HSPG2: variants seen among roughly 807,000 people sequenced by gnomAD.
HSPG2 encodes basement membrane-specific heparan sulfate proteoglycan core protein.
In HSPG2, 278 loss-of-function variants were observed where a neutral mutation model predicts 526.6. The observed-to-expected ratio is 0.53, with a 90% CI of 0.48 to 0.58. The LOEUF (loss-of-function observed/expected upper bound fraction) is 0.58. HSPG2 is among the 20% of genes least tolerant of loss of function. HSPG2 has a pLI of 0.00. For missense variants in HSPG2, 5,354 were observed against 6,099.5 expected (o/e 0.88, Z 4.07); for synonymous variants, 2,465 against 2,555.4 (o/e 0.96, Z 1.07).
chr1:21,874,279 G>T, intron 28 of HSPG2, 127 bp downstream of exon 28: 1 of 1,281,888 alleles, frequency 7.8e-7, no homozygotes, highest in South Asian at 1.3e-5. Context: ...CACACCAAGT[G>T]ACACTGAGCA....
intron 85 of HSPG2, 109 bp downstream of exon 85, chr1:21,830,873 T>TG: frequency 2.8e-6 from 2 of 711,778 alleles, no homozygotes; most frequent in Non-Finnish European, 4.9e-6. Flanking sequence ...CAGGTGAGAG[T>TG]GGGGGGTGTG....
chr1:21,884,742 G>A (rs377613933), intron 12 of HSPG2, 25 bp downstream of exon 12: 16 of 1,612,382 alleles, frequency 9.9e-6, no homozygotes, highest in East Asian at 2.2e-5. Flanking sequence ...CCCCACACCC[G>A]GTGACACCTG....
At chr1:21,899,933 G>A (rs1572406682) in intron 1 of HSPG2, among the ~76,000 whole-genome samples, 3 of 152,342 alleles carry the variant, frequency 2.0e-5, no homozygotes, top group South Asian at 4.1e-4. Context: ...GCCAGTCCCT[G>A]TCCCCAACCT....
At chr1:21,925,107 C>T (rs757481253) in intron 1 of HSPG2, among the ~76,000 whole-genome samples, 10 of 152,220 alleles carry the variant, frequency 6.6e-5, no homozygotes, top group Admixed American at 5.9e-4. Flanking sequence ...CCTTCCTCTG[C>T]GCCTGACTAT....
At chr1:21,908,163 T>TG in intron 1 of HSPG2, 1 of 832,570 alleles carries the variant, frequency 1.2e-6, no homozygotes, top group Non-Finnish European at 2.1e-6. Context: ...TTAGAAAACA[T>TG]GGAGTTGTTC....
At chr1:21,871,879 G>A (rs1042257989) in intron 33 of HSPG2, among the ~76,000 whole-genome samples, 2 of 152,166 alleles carry the variant, frequency 1.3e-5, no homozygotes, top group African/African-American at 4.8e-5. Flanking sequence ...TATATTTCCC[G>A]GCCTCTCCCA....
rs1033968812 is a variant in HSPG2, at chr1:21,890,225, C to A, written c.414-84G>T. The A allele has an allele frequency of 2.6e-6, 4 of 1,540,366 alleles. No homozygotes were observed. The African/African-American group carries it at 5.4e-5, about 21-fold the overall frequency. Reference sequence around the variant, plus strand: ...TCCATGAGGCTCCCGCCCCGACGCTCAGGCCCTGTTCCGGGACAGCCTGTA... The same window carrying A: ...TCCATGAGGCTCCCGCCCCGACGCTAAGGCCCTGTTCCGGGACAGCCTGTA... On this transcript the variant is annotated intron_variant, in intron 5 of 96. Transcript: ENST00000374695. This position sits in a 1 kb window ranked among gnomAD's most constrained non-coding sequence, Gnocchi z 4.1.
chr1:21,881,387 G>A lies in HSPG2; in HGVS notation c.1770C>T (p.Leu590=), dbSNP rs375223498. 18 of 1,614,112 alleles carry A rather than the reference G, an allele frequency of 1.1e-5. No individual in the cohort carries two copies. The highest frequency in any genetic ancestry group is 1.6e-4 in the Middle Eastern group (1 of 6,066). The part of the protein sequence containing the change: ...FQLVDLSRRF[L]VHDSFWALPE... ...GCAGAGCCCAGAAGGAGTCGTGGACGAGGAAGCGGCGGGACAGGTCGACTA... is the reference window on the plus strand; with the variant it reads ...GCAGAGCCCAGAAGGAGTCGTGGACAAGGAAGCGGCGGGACAGGTCGACTA... The change falls in exon 14 of 97, where the codon CTC becomes CTT. Residue 590 remains leucine, a synonymous_variant. Transcript: ENST00000374695.
In HSPG2 at chr1:21,857,401, G is replaced by T; in HGVS notation, c.5294-16C>A. On this transcript the variant is annotated splice_polypyrimidine_tract_variant and intron_variant, in intron 42 of 96. Coordinates refer to ENST00000374695, the MANE Select transcript of HSPG2 (RefSeq NM_005529.7). ...CTTGGAGCCTCTGCAGGGACGGGAA[G>T]CCCCCCTGTGAGCCGGTGCTGGCTA... is the stretch of plus-strand genomic sequence containing the variant. 6.2e-7 allele frequency: 1 copy of T among 1,610,796 alleles called. No homozygotes were observed. Among genetic ancestry groups the T allele is most frequent in the Non-Finnish European group, 8.5e-7 (1 of 1,178,334 alleles).
chr1:21,838,831 C>T lies in HSPG2; in HGVS notation c.10144G>A (p.Val3382Ile), dbSNP rs147177951. ...GSAEAFAQLLVQGPPGSLPAT... is the reference protein window; with the variant it reads ...GSAEAFAQLLIQGPPGSLPAT... ...CAGAGCCGGGGCTGCTTACCTTGGA[C>T]GAGCAGCTGGGCAAAGGCCTCGGCT... is the stretch of plus-strand genomic sequence containing the variant. The change falls in exon 74 of 97, where the codon GTC becomes ATC. Residue 3382 changes from valine to isoleucine, a missense_variant. Coordinates refer to ENST00000374695, the MANE Select transcript of HSPG2 (RefSeq NM_005529.7). 2.6e-5 allele frequency: 42 copies of T among 1,611,964 alleles called. No individual in the cohort carries two copies. Among genetic ancestry groups the T allele is most frequent in the Middle Eastern group, 1.7e-4 (1 of 5,948 alleles).
At chr1:21,869,857 G>A (rs536463108) in intron 33 of HSPG2, among the ~76,000 whole-genome samples, 1 of 152,226 alleles carries the variant, frequency 6.6e-6, no homozygotes, top group Non-Finnish European at 1.5e-5. Flanking sequence ...GGGATATCCC[G>A]GGATGGGTTT....
chr1:21,862,071 G>A lies in HSPG2; in HGVS notation c.4785C>T (p.Ala1595=). Residue 1595 remains alanine (A), a synonymous_variant, in exon 38 of 97, where the codon GCC becomes GCT. Transcript: ENST00000374695. The part of the protein sequence containing the change: ...NAAGEFCELC[A]PGYYGDATAG... ...CTGTGGCATCTCCGTAGTAGCCAGGGGCACAAAGCTCGCAGAACTCCCCTG... is the reference window on the plus strand; with the variant it reads ...CTGTGGCATCTCCGTAGTAGCCAGGAGCACAAAGCTCGCAGAACTCCCCTG... 6.2e-7 allele frequency: 1 copy of A among 1,613,992 alleles called. No homozygotes were observed. The highest frequency in any genetic ancestry group is 8.5e-7 in the Non-Finnish European group (1 of 1,180,020).
At chr1:21,906,212 G>A (rs1643370706) in intron 1 of HSPG2, among the ~76,000 whole-genome samples, 1 of 152,208 alleles carries the variant, frequency 6.6e-6, no homozygotes, top group South Asian at 2.1e-4. Flanking sequence ...GCCCATCTCT[G>A]GGGTGACAAG....
chr1:21,831,860 G>A lies in HSPG2; in HGVS notation c.11208-64C>T, dbSNP rs962828531. The A allele has an allele frequency of 9.9e-6, 15 of 1,518,386 alleles. No homozygotes were observed. The African/African-American group carries it at 1.8e-4, about 18-fold the overall frequency. The allele number at this position is 1,518,386 out of a possible 1,614,324, so 94.1% of individuals were successfully genotyped here. A position where few individuals can be genotyped will look rare whatever the true frequency, so the allele number is the denominator to read the frequency against. ...AGGGGGTTTGTAAGAAGGGCTAGGG[G>A]CCCAGTTGGGTAGAGGGGTCCCAGA... On this transcript the variant is annotated intron_variant, in intron 81 of 96. Transcript: ENST00000374695.
intron 76 of HSPG2, chr1:21,835,249 G>C: frequency 1.7e-6 from 1 of 596,982 alleles, no homozygotes; most frequent in East Asian, 2.8e-5. Flanking sequence ...TTAGCCTCCT[G>C]AGTAGGTGGG....
intron 1 of HSPG2, among the ~76,000 whole-genome samples, chr1:21,900,274 C>T (rs1643024356): frequency 6.6e-6 from 1 of 152,212 alleles, no homozygotes; most frequent in African/African-American, 2.4e-5. Context: ...AGGCAGCTGA[C>T]TCAACCGGGC....
intron 13 of HSPG2, among the ~76,000 whole-genome samples, chr1:21,882,594 G>C (rs1329708963): frequency 4.6e-5 from 7 of 152,094 alleles, no homozygotes; most frequent in African/African-American, 1.2e-4. Context: ...TTGCTGGTTT[G>C]GTTTTGCCAT....
At chr1:21,853,145 G>C in intron 50 of HSPG2, 75 bp from the exon 51 acceptor site, 2 of 1,595,118 alleles carry the variant, frequency 1.3e-6, no homozygotes, top group Non-Finnish European at 1.7e-6. Context: ...AAGGCTCTGG[G>C]CTGTGACCAG....
intron 38 of HSPG2, 31 bp downstream of exon 38, chr1:21,861,957 G>T (rs568989406): frequency 6.2e-7 from 1 of 1,614,220 alleles, no homozygotes; most frequent in South Asian, 1.1e-5. Context: ...CAGTGGAAGT[G>T]TGTCCTTGGG....
Sources: gnomAD v4.1 joint callset for allele counts (sites outside exome capture counted in the v4.1 genomes callset) on GRCh38, gnomAD v4.1.1 for gene constraint, Gnocchi (gnomAD v3.1) non-coding constraint, MANE v1.5 for transcripts, NCBI Gene and HGNC (gene_info 2026-07-23, HGNC 2026-07-21) for gene names.